TMEM243: variants seen among roughly 807,000 people sequenced by gnomAD.
The protein encoded by TMEM243 is transmembrane protein 243.
Under a neutral mutation model 15.0 loss-of-function variants are expected in TMEM243, and 20 were observed. That is an observed-to-expected ratio of 1.33 (90% confidence interval 0.94 to 1.93). TMEM243 has a LOEUF of 1.93. Among genes scored for constraint, TMEM243 ranks in the 30% most tolerant of loss-of-function variants. TMEM243 has a pLI of 0.00. For synonymous variants in TMEM243, 72 were observed against 52.7 expected (o/e 1.37, Z -1.59); for missense variants, 156 against 142.1 (o/e 1.10, Z -0.50).
upstream of TMEM243, chr7:87,219,771 A>C (rs543078968): frequency 2.1e-6 from 1 of 479,948 alleles, no homozygotes. Flanking sequence ...TCTCAGCGGG[A>C]CGCCCCCGCC....
intron 1 of TMEM243, among the ~76,000 whole-genome samples, chr7:87,210,133 T>C (rs1802641419): frequency 6.6e-6 from 1 of 151,936 alleles, no homozygotes; most frequent in Non-Finnish European, 1.5e-5. Flanking sequence ...AACCATCTGA[T>C]GTCATGAGAA....
intron 1 of TMEM243, among the ~76,000 whole-genome samples, chr7:87,200,132 T>C (rs1366742004): frequency 2.0e-5 from 3 of 151,948 alleles, no homozygotes; most frequent in African/African-American, 7.3e-5. Flanking sequence ...TCAGGCAAAA[T>C]TGGGAGGGAA....
At chr7:87,201,252 C>T (rs1801785672) in intron 1 of TMEM243, among the ~76,000 whole-genome samples, 2 of 152,176 alleles carry the variant, frequency 1.3e-5, no homozygotes, top group Non-Finnish European at 2.9e-5. Context: ...TTCAGAAGCC[C>T]TCCTACTTCT....
chr7:87,214,656 G>T (rs1379389417), intron 1 of TMEM243, among the ~76,000 whole-genome samples: 5 of 152,128 alleles, frequency 3.3e-5, no homozygotes, highest in Non-Finnish European at 5.9e-5. Context: ...CCACAACAAA[G>T]AAAAATGTTT....
rs906583689 is a variant in TMEM243, at chr7:87,196,635, C to T, written c.*1G>A. 6.2e-6 allele frequency: 10 copies of T among 1,607,440 alleles called. No homozygotes were observed. The highest frequency in any genetic ancestry group is 1.7e-4 in the Middle Eastern group (1 of 6,026). On this transcript the variant is annotated 3_prime_UTR_variant, in exon 4 of 4. Coordinates refer to ENST00000257637, the MANE Select transcript of TMEM243 (RefSeq NM_024315.4). ...CTGGTAAGTACTTCTCCTTGGCAGC[C>T]TCACCTTCCCACATCATGGAAGTAC...
intron 1 of TMEM243, among the ~76,000 whole-genome samples, chr7:87,210,213 C>A (rs1042403189): frequency 2.6e-5 from 4 of 152,072 alleles, no homozygotes; most frequent in African/African-American, 9.7e-5. Context: ...CTGATCACGT[C>A]CCTCCCTGCC....
chr7:87,216,693 T>G (rs528630804), intron 1 of TMEM243: 1 of 152,244 alleles, frequency 6.6e-6, no homozygotes, highest in African/African-American at 2.4e-5. Flanking sequence ...CTTAGTTATA[T>G]ATTAATAGTC....
intron 1 of TMEM243, among the ~76,000 whole-genome samples, chr7:87,200,648 G>A (rs1801730287): frequency 6.6e-6 from 1 of 152,134 alleles, no homozygotes; most frequent in Non-Finnish European, 1.5e-5. Context: ...TATTAACTAT[G>A]CCAAGCACAT....
Position 87,196,936 on chromosome 7 carries a change from C to T in TMEM243, c.235-178G>A, listed in dbSNP as rs1222908517. ...GAATTTAATTCTTACTCTGAGTTTC[C>T]ACATCCAAGATCATACTTATTCCTA... is the stretch of plus-strand genomic sequence containing the variant. On this transcript the variant is annotated intron_variant, in intron 3 of 3. Transcript: ENST00000257637. 4.6e-5 allele frequency among the ~76,000 whole-genome samples: 7 copies of T among 151,934 alleles called. No homozygotes were observed. The East Asian group carries it at 1.2e-3, about 25-fold the overall frequency.
intron 1 of TMEM243, among the ~76,000 whole-genome samples, chr7:87,200,446 G>A (rs1157940396): frequency 6.6e-6 from 1 of 152,084 alleles, no homozygotes; most frequent in Non-Finnish European, 1.5e-5. Context: ...AAAATCCATG[G>A]GAGCCCCACT....
In TMEM243 at chr7:87,197,724, CAAGG is replaced by C. The variant is rs1438900790; in HGVS notation, c.234+213_234+216del. ...TTTTTTTTTTTTTTTTTTAAGCTAT[CAAGG>C]GAGTGGAATTTCTCTTTGGGGTTAC... On this transcript the variant is annotated intron_variant, in intron 3 of 3. Coordinates refer to ENST00000257637, the MANE Select transcript of TMEM243 (RefSeq NM_024315.4). 8 of 266,466 alleles carry C rather than the reference CAAGG, an allele frequency of 3.0e-5. No homozygotes were observed. The Admixed American group carries it at 4.9e-4, about 16-fold the overall frequency. The allele number at this position is 266,466 out of a possible 1,614,324, so 16.5% of individuals were successfully genotyped here.
At chr7:87,210,480 C>T (rs1802666062) in intron 1 of TMEM243, among the ~76,000 whole-genome samples, 2 of 152,238 alleles carry the variant, frequency 1.3e-5, no homozygotes, top group Admixed American at 1.3e-4. Flanking sequence ...TTAGTTACTT[C>T]CAAGATACAA....
chr7:87,199,317 A>G (rs910910241), intron 1 of TMEM243: 8 of 393,694 alleles, frequency 2.0e-5, no homozygotes, highest in African/African-American at 1.3e-4. Context: ...GTAGTATCAA[A>G]TGGGTAAGGG....
chr7:87,216,705 T>C (rs952253356), intron 1 of TMEM243: 1 of 152,220 alleles, frequency 6.6e-6, no homozygotes, highest in Non-Finnish European at 1.5e-5. Flanking sequence ...TTAATAGTCA[T>C]TGTTCTATAA....
In TMEM243 at chr7:87,219,699, C is replaced by A. The variant is rs939038522; in HGVS notation, c.-196G>T. The A allele has an allele frequency of 3.4e-6, 2 of 594,188 alleles. No homozygotes were observed. 36.8% of individuals were successfully genotyped at this position (594,188 alleles called of 1,614,324 possible). ...GCGACTGCTCCGCCCCGGCCCCGCG[C>A]ACCTCCTCATCTTGAGCAGCTGCCG... On this transcript the variant is annotated 5_prime_UTR_variant, in exon 1 of 4. Transcript: ENST00000257637.
intron 1 of TMEM243, among the ~76,000 whole-genome samples, chr7:87,217,649 T>C (rs901614296): frequency 6.6e-6 from 1 of 152,230 alleles, no homozygotes; most frequent in Non-Finnish European, 1.5e-5. Flanking sequence ...GGGAGAAATT[T>C]TGAGAGATCA....
intron 1 of TMEM243, among the ~76,000 whole-genome samples, chr7:87,204,866 T>C (rs1802092894): frequency 6.6e-6 from 1 of 152,220 alleles, no homozygotes; most frequent in Non-Finnish European, 1.5e-5. Context: ...TATGGGAGCT[T>C]CAACCCCACA....
At chr7:87,199,785 T>C (rs1173145887) in intron 1 of TMEM243, among the ~76,000 whole-genome samples, 1 of 152,198 alleles carries the variant, frequency 6.6e-6, no homozygotes, top group East Asian at 1.9e-4. Flanking sequence ...TAAATTATTT[T>C]CTAAGAGTCA....
chr7:87,219,277 A>G, intron 1 of TMEM243, 149 bp downstream of exon 1: 2 of 748,684 alleles, frequency 2.7e-6, no homozygotes, highest in Non-Finnish European at 4.6e-6. Context: ...TGGCCGGGCA[A>G]ACATCTTGAG....
Sources: gnomAD v4.1 joint callset for allele counts (sites outside exome capture counted in the v4.1 genomes callset) on GRCh38, gnomAD v4.1.1 for gene constraint, MANE v1.5 for transcripts, NCBI Gene and HGNC (gene_info 2026-07-23, HGNC 2026-07-21) for gene names.